Variants in STK33 observed in about 807,000 individuals in gnomAD.
STK33 encodes the protein serine/threonine-protein kinase 33.
In STK33, 52 loss-of-function variants were observed where a neutral mutation model predicts 58.0. The observed-to-expected ratio is 0.90, with a 90% CI of 0.72 to 1.13. The LOEUF is 1.13. STK33 is among the 50% of genes most tolerant of loss of function. The pLI is 0.00. For missense variants in STK33, 630 were observed against 604.2 expected, an observed-to-expected ratio of 1.04 and a Z score of -0.45; for synonymous variants, 215 against 200.1, an observed-to-expected ratio of 1.07 and a Z score of -0.63.
In STK33 at chr11:8,457,224, A is replaced by T. The variant is rs1000415372; in HGVS notation, c.697+117T>A. On this transcript the variant is annotated intron_variant, in intron 9 of 15. Transcript: ENST00000687296. ...AGGAAACATTTTTAACTAAAAATTA[A>T]ATCTTCTATATTAGCAGGTGTTATT... 4 of 894,078 alleles carry T rather than the reference A, an allele frequency of 4.5e-6. No individual in the cohort carries two copies. In the African/African-American group the frequency reaches 6.9e-5, roughly 15 times the overall value. The allele number at this position is 894,078 out of a possible 1,614,324, so 55.4% of individuals were successfully genotyped here.
intron 8 of STK33, among the ~76,000 whole-genome samples, chr11:8,458,235 G>GGAGT (rs1450388070): frequency 2.6e-5 from 4 of 152,136 alleles, no homozygotes; most frequent in Non-Finnish European, 5.9e-5. Context: ...TGAAGGCCAT[G>GGAGT]GAGTCTCTTT....
intron 1 of STK33, among the ~76,000 whole-genome samples, chr11:8,540,746 G>A (rs1955443958): frequency 6.6e-6 from 1 of 151,950 alleles, no homozygotes. Context: ...GGCAGGGGGC[G>A]GGAGAGGAAA....
intron 1 of STK33, among the ~76,000 whole-genome samples, chr11:8,539,443 A>G (rs1437590160): frequency 6.6e-6 from 1 of 152,184 alleles, no homozygotes; most frequent in Non-Finnish European, 1.5e-5. Context: ...GGAGCAAGCC[A>G]GCTGGCCAAT....
the STK33 span, among the ~76,000 whole-genome samples, chr11:8,363,020 T>C: frequency 6.6e-6 from 1 of 152,056 alleles, no homozygotes; most frequent in African/African-American, 2.4e-5. Context: ...TGGGGAGGGT[T>C]CTGGGTGAGC....
intron 1 of STK33, among the ~76,000 whole-genome samples, chr11:8,527,556 G>A (rs1436660841): frequency 6.6e-6 from 1 of 152,122 alleles, no homozygotes; most frequent in East Asian, 1.9e-4. Flanking sequence ...AGTAGGCACA[G>A]TTCACAAGTA....
intron 14 of STK33, among the ~76,000 whole-genome samples, chr11:8,419,156 G>A (rs1341955555): frequency 1.2e-4 from 18 of 151,870 alleles, no homozygotes; most frequent in Admixed American, 8.5e-4. Context: ...AATCTTTGCC[G>A]GTACCTATGT....
Position 8,490,628 on chromosome 11 carries a change from T to G in STK33, c.-465-10014A>C, listed in dbSNP as rs182688372. ...CAGACTACCTCCTCAAGTGGGTCCC[T>G]GACCCCTGTGTAGCCTAACTGGAGA... On this transcript the variant is annotated intron_variant, in intron 1 of 15. Transcript: ENST00000687296. 6.6e-5 allele frequency among the ~76,000 whole-genome samples: 10 copies of G among 152,320 alleles called. No individual in the cohort carries two copies. The East Asian group carries it at 1.9e-3, about 29-fold the overall frequency.
intron 1 of STK33, among the ~76,000 whole-genome samples, chr11:8,553,203 A>ATATATATATATATATATATATAGTG (rs1565347661): frequency 2.6e-4 from 19 of 72,928 alleles, no homozygotes; most frequent in Non-Finnish European, 4.3e-4. Context: ...TATATGGTGT[A>ATATATATATATATATATATATAGTG]TATATATATA....
the STK33 span, among the ~76,000 whole-genome samples, chr11:8,347,787 T>C: frequency 0.34 from 51,718 of 152,082 alleles, 8,869 homozygotes; most frequent in South Asian, 0.45. Flanking sequence ...CCCAGACCTA[T>C]CTGAATCCAC....
At chr11:8,433,510 T>C (rs1268978610) in intron 14 of STK33, among the ~76,000 whole-genome samples, 1 of 152,212 alleles carries the variant, frequency 6.6e-6, no homozygotes, top group East Asian at 1.9e-4. Flanking sequence ...ATCTTAAATC[T>C]TTCCAGTTTC....
At position 8,508,776 on chromosome 11, in the gene STK33, AAAT is replaced by A. The variant is rs376503366; in HGVS notation, c.-465-28165_-465-28163del. Among the ~76,000 whole-genome samples, 622 of 152,290 alleles carry A rather than the reference AAAT, an allele frequency of 4.1e-3. 5 individuals carry two copies. The highest frequency in any genetic ancestry group is 0.014 in the African/African-American group (593 of 41,548). ...AAATGTGGAGAATGGGTTTCTCCCT[AAAT>A]AGGAGCTTGAAATGAATAACCATCA... On this transcript the variant is annotated intron_variant, in intron 1 of 15. Transcript: ENST00000687296.
intron 1 of STK33, among the ~76,000 whole-genome samples, chr11:8,582,722 A>G (rs1170123064): frequency 6.6e-6 from 1 of 152,232 alleles, no homozygotes; most frequent in Non-Finnish European, 1.5e-5. Flanking sequence ...GTATAAGTAT[A>G]TATGTACATG....
chr11:8,575,018 C>G (rs76213362), intron 1 of STK33, among the ~76,000 whole-genome samples: 10,173 of 152,192 alleles, frequency 0.067, 369 homozygotes, highest in Non-Finnish European at 0.071. Context: ...GCACTCCAGT[C>G]TGGCAAGGGA....
intron 6 of STK33, chr11:8,466,409 C>CAAAA (rs1948188849): frequency 1.3e-5 from 2 of 152,240 alleles, no homozygotes; most frequent in Non-Finnish European, 2.9e-5. Flanking sequence ...AAAAAGGCTA[C>CAAAA]AGGCCCAATG....
chr11:8,417,188 A>G (rs1941257736), intron 14 of STK33, among the ~76,000 whole-genome samples: 1 of 152,172 alleles, frequency 6.6e-6, no homozygotes, highest in East Asian at 1.9e-4. Flanking sequence ...ATTACAAAAT[A>G]ACAAATGACA....
rs912469857 is a variant in STK33 at position 8,572,639 on chromosome 11, G to A, written c.-466+21444C>T. On this transcript the variant is annotated intron_variant, in intron 1 of 15. Transcript: ENST00000687296. ...TCACTGCGTTCCCCAGGCTGGTCTC[G>A]AACTCCTGGCCTCAAGCAATCCTCC... is the stretch of plus-strand genomic sequence containing the variant. Among the ~76,000 whole-genome samples the A allele has an allele frequency of 6.6e-5, 10 of 151,672 alleles. No individual in the cohort carries two copies. The South Asian group carries it at 8.3e-4, about 13-fold the overall frequency.
intron 1 of STK33, among the ~76,000 whole-genome samples, chr11:8,486,836 A>C (rs1268245733): frequency 6.6e-6 from 1 of 152,256 alleles, no homozygotes; most frequent in Non-Finnish European, 1.5e-5. Flanking sequence ...TGGGAAAAGT[A>C]GACAAATTCT....
At chr11:8,461,724 A>C in intron 8 of STK33, 81 bp downstream of exon 8, 1 of 1,161,292 alleles carries the variant, frequency 8.6e-7, no homozygotes, top group East Asian at 2.8e-5. Flanking sequence ...ACTGTGCCCC[A>C]AAGGGATTAT....
chr11:8,445,668 G>A (rs189720914), intron 11 of STK33, among the ~76,000 whole-genome samples: 8 of 152,014 alleles, frequency 5.3e-5, no homozygotes, highest in African/African-American at 1.2e-4. Context: ...TTCTGTTTAC[G>A]TGGTGGATTA....
Sources: allele counts gnomAD v4.1 joint callset (sites outside exome capture counted in the v4.1 genomes callset), GRCh38; gene constraint gnomAD v4.1.1; transcripts MANE v1.5; gene names NCBI Gene and HGNC (gene_info 2026-07-23, HGNC 2026-07-21).